The following SUZ12 variants were observed in gnomAD, a reference collection of about 807,000 sequenced individuals.
SUZ12 encodes SUZ12 polycomb repressive complex 2 subunit, also known as polycomb protein SUZ12.
In SUZ12, 17 loss-of-function variants were observed where a neutral mutation model predicts 87.3. That is an observed-to-expected ratio of 0.19 (90% confidence interval 0.13 to 0.29). The LOEUF is 0.29. Among genes scored for constraint, SUZ12 ranks in the 10% least tolerant of loss-of-function variants. The pLI, the probability that SUZ12 is intolerant of heterozygous loss-of-function variation, is 1.00. For missense variants in SUZ12, 526 were observed against 912.2 expected, an observed-to-expected ratio of 0.58 and a Z score of 5.45; for synonymous variants, 253 against 312.4, an observed-to-expected ratio of 0.81 and a Z score of 2.01.
chr17:31,947,741 T>C (rs527779563), intron 4 of SUZ12, 56 bp downstream of exon 4: 1 of 1,520,186 alleles, frequency 6.6e-7, no homozygotes, highest in East Asian at 2.3e-5. Flanking sequence ...GAGGAAAAAT[T>C]ACAGTGATCA....
chr17:31,958,262 C>T (rs902819246), intron 4 of SUZ12, among the ~76,000 whole-genome samples: 13 of 152,100 alleles, frequency 8.5e-5, no homozygotes, highest in African/African-American at 3.1e-4. Context: ...CCTCGAACTA[C>T]TGAGTTCAAG....
chr17:31,972,391 A>G (rs1239220731), intron 5 of SUZ12, among the ~76,000 whole-genome samples: 5 of 149,878 alleles, frequency 3.3e-5, no homozygotes, highest in African/African-American at 4.9e-5. Context: ...GTGTATATAT[A>G]TATATATATA....
chr17:31,947,945 G>A (rs187035125), intron 4 of SUZ12, among the ~76,000 whole-genome samples: 45 of 152,156 alleles, frequency 3.0e-4, no homozygotes, highest in African/African-American at 1.1e-3. Context: ...TCCATTTTGA[G>A]TGAAACCTCT....
At chr17:31,952,666 A>G (rs767668452) in intron 4 of SUZ12, among the ~76,000 whole-genome samples, 24 of 152,000 alleles carry the variant, frequency 1.6e-4, no homozygotes, top group Non-Finnish European at 3.2e-4. Context: ...GGGTTCAGGC[A>G]GTTCTCATGC....
chr17:31,945,963 C>T (rs1474117822), intron 3 of SUZ12, among the ~76,000 whole-genome samples: 2 of 152,024 alleles, frequency 1.3e-5, no homozygotes, highest in Non-Finnish European at 2.9e-5. Context: ...TATTTTTGTT[C>T]TTTTTTCTCT....
At position 31,937,058 on chromosome 17, in the gene SUZ12, A is replaced by G. The variant is rs1055340581; in HGVS notation, c.-189A>G. On this transcript the variant is annotated 5_prime_UTR_variant, in exon 1 of 16. Coordinates refer to ENST00000322652, the MANE Select transcript of SUZ12 (RefSeq NM_015355.4). ...GCCTCCGAAGCGGAGCGGGGCTCTG[A>G]GGAGACACTTTTTTTTTCCTCCCTC... 8.2e-6 allele frequency: 4 copies of G among 486,850 alleles called. No homozygotes were observed. Among genetic ancestry groups the G allele is most frequent in the African/African-American group, 4.1e-5 (2 of 49,230 alleles). The allele number at this position is 486,850 out of a possible 1,614,324, so 30.2% of individuals were successfully genotyped here. A position where few individuals can be genotyped will look rare whatever the true frequency, so the allele number is the denominator to read the frequency against.
At chr17:31,952,822 C>CAA (rs1907068642) in intron 4 of SUZ12, among the ~76,000 whole-genome samples, 2 of 152,158 alleles carry the variant, frequency 1.3e-5, no homozygotes, top group South Asian at 4.1e-4. Context: ...CGTGGCCTTC[C>CAA]AAAGTGCTGG....
At position 32,000,901 on chromosome 17, in the gene SUZ12, AT is replaced by A. The variant is rs1910224473; in HGVS notation, c.*1899del. On this transcript the variant is annotated 3_prime_UTR_variant, in exon 16 of 16. Transcript: ENST00000322652. ...ACCCTTGATAACAGATTTTGAAGAA[AT>A]CCTGTAAGATGATAAAGCATTTGAA... The A allele has an allele frequency of 4.5e-6, 1 of 222,314 alleles. No individual in the cohort carries two copies. The highest frequency in any genetic ancestry group is 5.7e-5 in the Admixed American group (1 of 17,416). 13.8% of individuals were successfully genotyped at this position (222,314 alleles called of 1,614,324 possible).
chr17:31,989,633 C>T (rs780097811), intron 10 of SUZ12, among the ~76,000 whole-genome samples: 8 of 152,030 alleles, frequency 5.3e-5, no homozygotes, highest in Admixed American at 1.3e-4. Context: ...AAGTCTCACT[C>T]TGTTGCCCAG....
At chr17:31,990,454 C>A (rs187124608) in intron 10 of SUZ12, among the ~76,000 whole-genome samples, 205 of 151,830 alleles carry the variant, frequency 1.4e-3, no homozygotes, top group Non-Finnish European at 2.3e-3. Flanking sequence ...ACCTCCGCCT[C>A]CCGGTTTGAA....
intron 4 of SUZ12, among the ~76,000 whole-genome samples, chr17:31,953,863 G>A (rs1907135534): frequency 6.7e-6 from 1 of 149,588 alleles, no homozygotes; most frequent in African/African-American, 2.5e-5. Context: ...ATAGGCACGC[G>A]GTGCCACTCC....
At position 31,937,020 on chromosome 17, in the gene SUZ12, G is replaced by T. The variant is rs770135590; in HGVS notation, c.-227G>T. The T allele has an allele frequency of 4.4e-5, 18 of 409,172 alleles. No homozygotes were observed. Among genetic ancestry groups the T allele is most frequent in the Non-Finnish European group, 6.8e-5 (16 of 236,554 alleles). The allele number at this position is 409,172 out of a possible 1,614,324, so 25.3% of individuals were successfully genotyped here. The stretch of plus-strand genomic sequence containing the variant: ...GGGGAAGTGGGCGGAGCGAGGCCAG[G>T]GTAGGGTGAGCGGCCTCCGAAGCGG... On this transcript the variant is annotated 5_prime_UTR_variant, in exon 1 of 16. Transcript: ENST00000322652.
chr17:31,951,444 G>C (rs8069747), intron 4 of SUZ12, among the ~76,000 whole-genome samples: 7,406 of 151,656 alleles, frequency 0.049, 580 homozygotes, highest in African/African-American at 0.17. Context: ...GTGGAAGGAG[G>C]TGATAGAAAA....
chr17:31,994,445 G>A, intron 12 of SUZ12, 119 bp from the exon 13 acceptor site: 1 of 887,728 alleles, frequency 1.1e-6, no homozygotes, highest in Non-Finnish European at 1.6e-6. Flanking sequence ...TACCATGCTG[G>A]TGTGCCTGGC....
intron 11 of SUZ12, 21 bp from the exon 12 acceptor site, chr17:31,993,841 CTTT>C (rs55811201): frequency 3.1e-6 from 4 of 1,280,816 alleles, no homozygotes; most frequent in African/African-American, 3.1e-5. Flanking sequence ...TGGAGATTTG[CTTT>C]TTTTTTTTAA....
chr17:31,990,420 G>A (rs981556357), intron 10 of SUZ12, among the ~76,000 whole-genome samples: 2 of 151,858 alleles, frequency 1.3e-5, no homozygotes, highest in African/African-American at 2.4e-5. Context: ...CTGCAGTGCG[G>A]TGACGTGATC....
At chr17:31,956,555 A>G (rs1265179712) in intron 4 of SUZ12, among the ~76,000 whole-genome samples, 1 of 152,154 alleles carries the variant, frequency 6.6e-6, no homozygotes, top group South Asian at 2.1e-4. Flanking sequence ...GACCAGTAGT[A>G]CATATGATGG....
At chr17:31,969,352 G>A (rs1598168113) in intron 5 of SUZ12, among the ~76,000 whole-genome samples, 1 of 152,046 alleles carries the variant, frequency 6.6e-6, no homozygotes, top group African/African-American at 2.4e-5. Flanking sequence ...TCTCCACGTT[G>A]GTCAGGTTGG....
intron 7 of SUZ12, among the ~76,000 whole-genome samples, chr17:31,976,273 C>T (rs1162353935): frequency 2.6e-5 from 4 of 152,094 alleles, no homozygotes; most frequent in Non-Finnish European, 4.4e-5. Context: ...AAGGAGTTTG[C>T]CTAGCAAAGA....
Sources: gnomAD v4.1 joint callset for allele counts (sites outside exome capture counted in the v4.1 genomes callset) on GRCh38, gnomAD v4.1.1 for gene constraint, MANE v1.5 for transcripts, NCBI Gene and HGNC (gene_info 2026-07-23, HGNC 2026-07-21) for gene names.